The following HGS variants were observed in gnomAD, a reference collection of about 807,000 sequenced individuals.
HGS encodes human growth factor-regulated tyrosine kinase substrate.
In HGS, 63 loss-of-function variants were observed where a neutral mutation model predicts 109.7. The ratio of observed to expected loss-of-function variants is 0.57; its 90% CI spans 0.47 to 0.71. The LOEUF is 0.71. Ranked by LOEUF, HGS falls within the 30% of genes least tolerant of loss-of-function variation. The pLI is 0.00. For synonymous variants in HGS, 546 were observed against 437.3 expected (o/e 1.25, Z -3.10); for missense variants, 995 against 1,068.3 (o/e 0.93, Z 0.96).
chr17:81,690,449 T>C (rs1288583074), intron 6 of HGS: 3 of 632,868 alleles, frequency 4.7e-6, no homozygotes, highest in African/African-American at 3.7e-5. Context: ...GCTAGGGGGC[T>C]CGGGAAAGGA....
chr17:81,691,185 C>T lies in HGS; in HGVS notation c.538-262C>T, dbSNP rs1229252859. 6.0e-6 allele frequency: 3 copies of T among 502,276 alleles called. No homozygotes were observed. Among genetic ancestry groups the T allele is most frequent in the Non-Finnish European group, 1.1e-5 (3 of 276,286 alleles). 31.1% of individuals were successfully genotyped at this position (502,276 alleles called of 1,614,324 possible). On this transcript the variant is annotated intron_variant, in intron 7 of 21. Transcript: ENST00000329138. The surrounding 1 kb of genome is among the most constrained non-coding windows in gnomAD (Gnocchi z 5.3). The stretch of plus-strand genomic sequence containing the variant: ...GCACTCACAAAAGCTCTTGTTTTAT[C>T]AGCAGAATTGATGTGTATTTTTTCC...
rs1464903049 is a variant in HGS, at chr17:81,696,522, A to C, written c.1559A>C (p.Lys520Thr). 1 of 1,531,376 alleles carries C rather than the reference A, an allele frequency of 6.5e-7. No homozygotes were observed. Among genetic ancestry groups the C allele is most frequent in the African/African-American group, 1.4e-5 (1 of 72,954 alleles). 94.9% of individuals were successfully genotyped at this position (1,531,376 alleles called of 1,614,324 possible). The change falls in exon 16 of 22, where the codon AAG becomes ACG. Residue 520 changes from lysine to threonine, a missense_variant. By Grantham distance (78) the Lys-to-Thr change is moderately conservative. Coordinates refer to ENST00000329138, the MANE Select transcript of HGS (RefSeq NM_004712.5). ...LAQKLEIMRQ[K>T]KQEYLEVQRQ... is the part of the protein sequence containing the mutation. ...CAGAAGCTGGAGATAATGCGGCAGA[A>C]GAAGCAGGTGCAGTGGCTGCCCAGC...
chr17:81,684,846 C>T (rs770021986), intron 1 of HGS: 66 of 962,894 alleles, frequency 6.9e-5, no homozygotes, highest in South Asian at 1.4e-4. Flanking sequence ...AGACACCTTC[C>T]TTGCCAAGGG....
At chr17:81,687,461 G>A (rs1251656934) in intron 4 of HGS, among the ~76,000 whole-genome samples, 1 of 152,196 alleles carries the variant, frequency 6.6e-6, no homozygotes, top group East Asian at 1.9e-4. Flanking sequence ...TCGTGTGTGA[G>A]AGTGGCTGTG....
At position 81,701,618 on chromosome 17, in the gene HGS, ACCCAGG is replaced by A; in HGVS notation, c.*3_*8del. 1 of 1,560,524 alleles carries A rather than the reference ACCCAGG, an allele frequency of 6.4e-7. No homozygotes were observed. The highest frequency in any genetic ancestry group is 8.6e-7 in the Non-Finnish European group (1 of 1,159,656). On this transcript the variant is annotated 3_prime_UTR_variant, in exon 22 of 22. Coordinates refer to ENST00000329138, the MANE Select transcript of HGS (RefSeq NM_004712.5). ...AGGCCCAGCTCATTTCATTCGACTG[ACCCAGG>A]CCATGCTCACGTCCGGAGTAACACT... is the stretch of plus-strand genomic sequence containing the variant.
chr17:81,693,838 CCCAA>C (rs1368780720), intron 10 of HGS, 28 bp from the exon 11 acceptor site: 2 of 1,574,468 alleles, frequency 1.3e-6, no homozygotes, highest in Non-Finnish European at 8.6e-7. Flanking sequence ...GTCACGTGCA[CCCAA>C]GTGACGCCCC....
At chr17:81,687,127 C>G (rs774806920) in intron 4 of HGS, 32 bp downstream of exon 4, 7 of 1,499,320 alleles carry the variant, frequency 4.7e-6, no homozygotes, top group African/African-American at 1.4e-5. Flanking sequence ...GGGTGGCCAC[C>G]CAGGCTGGCA....
chr17:81,686,210 C>A, intron 2 of HGS, 102 bp from the exon 3 acceptor site: 1 of 913,504 alleles, frequency 1.1e-6, no homozygotes, highest in Non-Finnish European at 1.7e-6. Context: ...GGATTACAGG[C>A]GTGAGCCACT....
At position 81,690,793 on chromosome 17, in the gene HGS, C is replaced by T. The variant is rs1451589549; in HGVS notation, c.537+51C>T. 7.2e-6 allele frequency: 11 copies of T among 1,530,846 alleles called. No homozygotes were observed. In the Admixed American group the frequency reaches 1.6e-4, roughly 22 times the overall value. 94.8% of individuals were successfully genotyped at this position (1,530,846 alleles called of 1,614,324 possible). A position where few individuals can be genotyped will look rare whatever the true frequency, so the allele number is the denominator to read the frequency against. On this transcript the variant is annotated intron_variant, in intron 7 of 21. Coordinates refer to ENST00000329138, the MANE Select transcript of HGS (RefSeq NM_004712.5). ...CAGCCCCGGCCAGACACCAGGTCCC[C>T]TGCCGTGCACAAGGCCACCGTCCCT...
At chr17:81,696,555 CG>C (rs772401017) in intron 16 of HGS, 26 bp downstream of exon 16, 538 of 1,546,536 alleles carry the variant, frequency 3.5e-4, no homozygotes, top group Non-Finnish European at 4.7e-4. Context: ...AGCCACAGGC[CG>C]GGGCCGGCTG....
chr17:81,695,979 A>G lies in HGS; in HGVS notation c.1373A>G (p.Asn458Ser). The change falls in exon 15 of 22, where the codon AAC becomes AGC. Residue 458 changes from asparagine to serine, a missense_variant. By Grantham distance (46) the Asn-to-Ser change is conservative. This residue lies in a region of HGS where 163 missense variants were observed against 217.8 expected (regional missense o/e 0.75). Coordinates refer to ENST00000329138, the MANE Select transcript of HGS (RefSeq NM_004712.5). Reference protein sequence around the residue: ...GMHPQLLELLNQLDERRLYYE... With the variant: ...GMHPQLLELLSQLDERRLYYE... The stretch of plus-strand genomic sequence containing the variant: ...CACCCGCAGCTGCTGGAGCTGCTCA[A>G]CCAGCTGGACGAGCGCAGGCGTAGG... The G allele has an allele frequency of 1.3e-6, 2 of 1,561,788 alleles. No individual in the cohort carries two copies. Among genetic ancestry groups the G allele is most frequent in the African/African-American group, 1.3e-5 (1 of 74,100 alleles).
At chr17:81,697,152 C>T (rs941848866) in intron 18 of HGS, 154 bp downstream of exon 18, 17 of 803,658 alleles carry the variant, frequency 2.1e-5, no homozygotes, top group Non-Finnish European at 3.0e-5. Flanking sequence ...TGCAAACGCA[C>T]TCACACAGGC....
In HGS at chr17:81,691,801, G is replaced by T; in HGVS notation, c.662+230G>T. 2.0e-6 allele frequency: 1 copy of T among 492,906 alleles called. No homozygotes were observed. The highest frequency in any genetic ancestry group is 3.7e-6 in the Non-Finnish European group (1 of 273,168). The allele number at this position is 492,906 out of a possible 1,614,324, so 30.5% of individuals were successfully genotyped here. On this transcript the variant is annotated intron_variant, in intron 8 of 21. Coordinates refer to ENST00000329138, the MANE Select transcript of HGS (RefSeq NM_004712.5). The surrounding 1 kb of genome is among the most constrained non-coding windows in gnomAD (Gnocchi z 5.3). ...CGCCGCGGCTCCAGGGACCGAGGCT[G>T]CCCCGACAAACCTGTTGCTTGGGTT... is the stretch of plus-strand genomic sequence containing the variant.
In HGS at chr17:81,700,616, G is replaced by T. The variant is rs546638335; in HGVS notation, c.2016+16G>T. On this transcript the variant is annotated intron_variant, in intron 19 of 21. Transcript: ENST00000329138. ...GGGCTACCAGGTACACAGGAAGGCC[G>T]CTCCTCTCCTTCCAGGGCCAGCCCC... 1 of 1,595,190 alleles carries T rather than the reference G, an allele frequency of 6.3e-7. No individual in the cohort carries two copies. Among genetic ancestry groups the T allele is most frequent in the Non-Finnish European group, 8.6e-7 (1 of 1,169,408 alleles).
intron 13 of HGS, 48 bp from the exon 14 acceptor site, chr17:81,695,116 G>A: frequency 6.2e-7 from 1 of 1,613,340 alleles, no homozygotes; most frequent in East Asian, 2.2e-5. Flanking sequence ...CCTTGGAAGG[G>A]GTGGATGCGG....
chr17:81,686,894 G>A (rs962333951), intron 3 of HGS, 109 bp from the exon 4 acceptor site: 11 of 830,810 alleles, frequency 1.3e-5, no homozygotes, highest in African/African-American at 5.1e-5. Flanking sequence ...GGCCACTGAC[G>A]GGCCTGTCGA....
rs751065759 is a variant in HGS, at chr17:81,691,452, C to T, written c.543C>T (p.His181=). 6.2e-7 allele frequency: 1 copy of T among 1,614,064 alleles called. No individual in the cohort carries two copies. The highest frequency in any genetic ancestry group is 8.5e-7 in the Non-Finnish European group (1 of 1,180,000). The stretch of plus-strand genomic sequence containing the variant: ...CCGCCCGCCCCATCTTACAGCACCA[C>T]TGCCGGGCGTGTGGGCAGATATTCT... The part of the protein sequence containing the change: ...VQFGVMTRKH[H]CRACGQIFCG... Residue 181 remains histidine, a synonymous_variant, in exon 8 of 22, where the codon CAC becomes CAT. Transcript: ENST00000329138. The surrounding 1 kb of genome is among the most constrained non-coding windows in gnomAD (Gnocchi z 5.3).
At chr17:81,701,472 G>C in intron 21 of HGS, 36 bp from the exon 22 acceptor site, 2 of 1,525,248 alleles carry the variant, frequency 1.3e-6, no homozygotes, top group Non-Finnish European at 1.8e-6. Flanking sequence ...CTGGGGAAGG[G>C]AGGACCAGGG....
At chr17:81,685,119 G>A (rs35569308) in intron 1 of HGS, 59,726 of 965,916 alleles carry the variant, frequency 0.062, 2,041 homozygotes, top group East Asian at 0.22. Flanking sequence ...TATTTCCAAA[G>A]CACTTGGCTT....
Sources: allele counts gnomAD v4.1 joint callset (sites outside exome capture counted in the v4.1 genomes callset), GRCh38; gene constraint gnomAD v4.1.1; regional missense constraint gnomAD v4.1.1; non-coding constraint Gnocchi (gnomAD v3.1); transcripts MANE v1.5; gene names NCBI Gene and HGNC (gene_info 2026-07-23, HGNC 2026-07-21).